Variants in HEMK2 observed in about 807,000 individuals in gnomAD.
HEMK2 encodes HemK methyltransferase 2, ETF1 glutamine and histone H4 lysine.
the HEMK2 span, among the ~76,000 whole-genome samples, chr21:28,597,462 T>G: frequency 6.6e-6 from 1 of 152,242 alleles, no homozygotes; most frequent in Admixed American, 6.5e-5. Context: ...ATAGAATTTT[T>G]AAGTGATTCA....
chr21:28,644,635 G>C, the HEMK2 span, among the ~76,000 whole-genome samples: 2 of 152,156 alleles, frequency 1.3e-5, no homozygotes, highest in African/African-American at 4.8e-5. Context: ...ACAAAACAAA[G>C]TATTAAATTC....
the HEMK2 span, among the ~76,000 whole-genome samples, chr21:28,755,681 GC>G: frequency 6.7e-6 from 1 of 149,200 alleles, no homozygotes; most frequent in Non-Finnish European, 1.5e-5. Flanking sequence ...CCAGCCAGGT[GC>G]TACTGCATAG....
the HEMK2 span, among the ~76,000 whole-genome samples, chr21:28,708,794 G>A: frequency 6.6e-6 from 1 of 152,098 alleles, no homozygotes; most frequent in South Asian, 2.1e-4. Flanking sequence ...TAGCCAAACT[G>A]GATGAAATCC....
the HEMK2 span, among the ~76,000 whole-genome samples, chr21:28,773,309 T>A: frequency 2.0e-5 from 3 of 152,162 alleles, no homozygotes; most frequent in Non-Finnish European, 2.9e-5. Context: ...CTTCTGTATT[T>A]ACTTCATTTC....
chr21:28,719,847 T>G, the HEMK2 span, among the ~76,000 whole-genome samples: 10 of 152,314 alleles, frequency 6.6e-5, 1 homozygote, highest in South Asian at 1.9e-3. Context: ...AACTCCAAAA[T>G]CAATTCTCTC....
the HEMK2 span, among the ~76,000 whole-genome samples, chr21:28,590,578 C>T: frequency 2.0e-5 from 3 of 152,122 alleles, no homozygotes; most frequent in Non-Finnish European, 2.9e-5. Context: ...ATTAAAAATA[C>T]ATGCAACAAG....
the HEMK2 span, among the ~76,000 whole-genome samples, chr21:28,828,070 C>CT: frequency 3.3e-5 from 5 of 152,300 alleles, no homozygotes; most frequent in Admixed American, 3.3e-4. Flanking sequence ...CTAGCATAGG[C>CT]TTTTCTAAGG....
the HEMK2 span, among the ~76,000 whole-genome samples, chr21:28,879,319 T>G: frequency 6.6e-6 from 1 of 152,268 alleles, no homozygotes; most frequent in African/African-American, 2.4e-5. Flanking sequence ...CTCAGCTCAC[T>G]GCAAGCTCCG....
the HEMK2 span, among the ~76,000 whole-genome samples, chr21:28,599,627 A>T: frequency 6.6e-6 from 1 of 152,180 alleles, no homozygotes; most frequent in Non-Finnish European, 1.5e-5. Flanking sequence ...CTTACATTTC[A>T]AAACCAATCA....
the HEMK2 span, among the ~76,000 whole-genome samples, chr21:28,844,907 G>GA: frequency 1.8e-3 from 268 of 151,418 alleles, 3 homozygotes; most frequent in African/African-American, 6.0e-3. Flanking sequence ...TCAGCTATTT[G>GA]AAAAAATCAG....
chr21:28,779,220 T>C, the HEMK2 span, among the ~76,000 whole-genome samples: 1 of 152,200 alleles, frequency 6.6e-6, no homozygotes. Context: ...TAAGTGTTCA[T>C]CAATGGATGG....
At chr21:28,845,513 TG>T in the HEMK2 span, among the ~76,000 whole-genome samples, 21 of 152,120 alleles carry the variant, frequency 1.4e-4, no homozygotes, top group Non-Finnish European at 2.8e-4. Flanking sequence ...ACTCACTAGG[TG>T]TGTGTATTTA....
At chr21:28,749,864 T>C in the HEMK2 span, among the ~76,000 whole-genome samples, 1,120 of 152,350 alleles carry the variant, frequency 7.4e-3, 14 homozygotes, top group African/African-American at 0.026. Flanking sequence ...AGCCATGTAA[T>C]GTTGACATTC....
the HEMK2 span, among the ~76,000 whole-genome samples, chr21:28,796,817 G>A: frequency 3.9e-5 from 6 of 152,154 alleles, no homozygotes; most frequent in African/African-American, 1.2e-4. Context: ...TGATCCTCCC[G>A]CCTTAGCCTC....
At chr21:28,744,970 GA>G in the HEMK2 span, among the ~76,000 whole-genome samples, 1 of 152,062 alleles carries the variant, frequency 6.6e-6, no homozygotes, top group Non-Finnish European at 1.5e-5. Context: ...CACAAATTTT[GA>G]ATTATAAAAT....
chr21:28,877,696 C>T, the HEMK2 span, among the ~76,000 whole-genome samples: 1 of 151,930 alleles, frequency 6.6e-6, no homozygotes, highest in Non-Finnish European at 1.5e-5. Context: ...GGGCTGAGGA[C>T]TTTTAGTATA....
chr21:28,679,745 C>T, the HEMK2 span, among the ~76,000 whole-genome samples: 2 of 152,188 alleles, frequency 1.3e-5, no homozygotes, highest in African/African-American at 4.8e-5. Context: ...GATTAAGAAA[C>T]TCACTCAAAA....
At chr21:28,860,293 T>G in the HEMK2 span, among the ~76,000 whole-genome samples, 1 of 151,932 alleles carries the variant, frequency 6.6e-6, no homozygotes. Flanking sequence ...GCCTACATCT[T>G]TCTCCCCTGC....
chr21:28,715,801 T>C, the HEMK2 span, among the ~76,000 whole-genome samples: 4 of 152,334 alleles, frequency 2.6e-5, no homozygotes, highest in East Asian at 7.7e-4. Flanking sequence ...TTAATCTATC[T>C]TAAGTTAATT....
Sources: gnomAD v4.1 joint callset for allele counts (sites outside exome capture counted in the v4.1 genomes callset) on GRCh38, gnomAD v4.1.1 for gene constraint, MANE v1.5 for transcripts, NCBI Gene and HGNC (gene_info 2026-07-23, HGNC 2026-07-21) for gene names.